Variants in USH1C observed in about 807,000 individuals in gnomAD.
USH1C encodes the protein harmonin.
Under a neutral mutation model 119.3 loss-of-function variants are expected in USH1C, and 90 were observed. That is an observed-to-expected ratio of 0.75 (90% confidence interval 0.64 to 0.90). The LOEUF is 0.90. Ranked by LOEUF, USH1C falls within the 40% of genes least tolerant of loss-of-function variation. The probability of loss-of-function intolerance (pLI) is 0.00; values close to 1 mark genes in which losing one functional copy is unlikely to be tolerated. For synonymous variants in USH1C, 465 were observed against 443.3 expected, an observed-to-expected ratio of 1.05 and a Z score of -0.62; for missense variants, 1,165 against 1,167.7, an observed-to-expected ratio of 1.00 and a Z score of 0.03.
intron 2 of USH1C, among the ~76,000 whole-genome samples, chr11:17,532,373 C>CT (rs1189627667): frequency 3.3e-5 from 5 of 152,190 alleles, no homozygotes; most frequent in African/African-American, 1.2e-4. Flanking sequence ...TCATGGCTCA[C>CT]TGCAGCCTTG....
chr11:17,509,305 T>C, intron 18 of USH1C, 51 bp downstream of exon 18: 2 of 1,518,716 alleles, frequency 1.3e-6, no homozygotes, highest in Non-Finnish European at 1.8e-6. Flanking sequence ...AAACAGCAGT[T>C]CTCCCCACTC....
In USH1C at chr11:17,524,546, T is replaced by C. The variant is rs1850572417; in HGVS notation, c.675-11A>G. The stretch of plus-strand genomic sequence containing the variant: ...GGGCCGCTGGAAATGCTGCGGGAGG[T>C]GGGAAATGTGTGCTCGGGATTCAGG... On this transcript the variant is annotated splice_polypyrimidine_tract_variant and intron_variant, in intron 8 of 26. Coordinates refer to ENST00000005226, the MANE Select transcript of USH1C (RefSeq NM_153676.4). 6.4e-7 allele frequency: 1 copy of C among 1,554,442 alleles called. No individual in the cohort carries two copies. The highest frequency in any genetic ancestry group is 8.7e-7 in the Non-Finnish European group (1 of 1,148,430).
At chr11:17,509,938 A>G (rs1470803968) in intron 17 of USH1C, 100 bp from the exon 18 acceptor site, 4 of 1,394,476 alleles carry the variant, frequency 2.9e-6, no homozygotes, top group African/African-American at 1.4e-5. Context: ...TTCTCTTGCT[A>G]CTGGAGACCC....
At chr11:17,543,673 G>T (rs530146434) in intron 1 of USH1C, among the ~76,000 whole-genome samples, 2 of 152,272 alleles carry the variant, frequency 1.3e-5, no homozygotes, top group African/African-American at 4.8e-5. Flanking sequence ...GATCTGGCCG[G>T]CCAGAGCCCA....
intron 18 of USH1C, among the ~76,000 whole-genome samples, chr11:17,506,908 T>C (rs1172128234): frequency 6.6e-6 from 1 of 152,214 alleles, no homozygotes; most frequent in African/African-American, 2.4e-5. Flanking sequence ...GGATTCCCAG[T>C]GCCCTGCATA....
intron 2 of USH1C, among the ~76,000 whole-genome samples, chr11:17,532,178 C>T (rs2133923550): frequency 6.6e-6 from 1 of 152,340 alleles, no homozygotes; most frequent in Middle Eastern, 3.4e-3. Flanking sequence ...CCAAGTCCTA[C>T]TCCCCCAGAT....
At chr11:17,533,621 T>C in intron 1 of USH1C, 2 of 545,944 alleles carry the variant, frequency 3.7e-6, no homozygotes, top group South Asian at 3.4e-5. Flanking sequence ...TAGGTACATA[T>C]GTGAATCCCC....
intron 20 of USH1C, 155 bp from the exon 21 acceptor site, chr11:17,502,135 C>T (rs1471507711): frequency 5.9e-6 from 4 of 674,956 alleles, no homozygotes; most frequent in Admixed American, 2.9e-5. Flanking sequence ...GACAGGAGGC[C>T]GGCAGCCCTA....
chr11:17,530,346 G>A (rs16934382), intron 4 of USH1C, among the ~76,000 whole-genome samples: 8,275 of 152,308 alleles, frequency 0.054, 240 homozygotes, highest in Middle Eastern at 0.16. Flanking sequence ...AGGCACCTGC[G>A]TTGCTGAAGA....
At chr11:17,500,909 A>C in intron 23 of USH1C, 142 bp downstream of exon 23, 2 of 733,670 alleles carry the variant, frequency 2.7e-6, no homozygotes, top group Non-Finnish European at 4.8e-6. Context: ...TTGGACAGGC[A>C]GTCGGATGGA....
intron 14 of USH1C, among the ~76,000 whole-genome samples, chr11:17,519,148 T>C (rs1850299692): frequency 6.6e-6 from 1 of 152,200 alleles, no homozygotes; most frequent in Non-Finnish European, 1.5e-5. Flanking sequence ...CCAGGCCTGC[T>C]GGACCAACTC....
At chr11:17,519,473 T>A (rs1850314629) in intron 14 of USH1C, among the ~76,000 whole-genome samples, 1 of 152,220 alleles carries the variant, frequency 6.6e-6, no homozygotes, top group South Asian at 2.1e-4. Context: ...TATTTTCTAT[T>A]GCTCCTGAGA....
At chr11:17,499,468 G>A (rs1849358865) in intron 23 of USH1C, among the ~76,000 whole-genome samples, 1 of 152,210 alleles carries the variant, frequency 6.6e-6, no homozygotes, top group Non-Finnish European at 1.5e-5. Flanking sequence ...AGTCTCAGGG[G>A]CAATAAGGCA....
In USH1C at chr11:17,526,368, C is replaced by G; in HGVS notation, c.653G>C (p.Gly218Ala). Residue 218 changes from glycine (G) to alanine (A), a missense_variant, in exon 8 of 27, where the codon GGC becomes GCC. Transcript: ENST00000005226. ...CCACCTGCAGCCAAGGCCTCGGGAG[C>G]CTACCAGGCTGATGAAGACCTTCTT... is the stretch of plus-strand genomic sequence containing the variant. ...KEKKVFISLV[G>A]SRGLGCSISS... 1 of 1,614,058 alleles carries G rather than the reference C, an allele frequency of 6.2e-7. No individual in the cohort carries two copies. Among genetic ancestry groups the G allele is most frequent in the Non-Finnish European group, 8.5e-7 (1 of 1,180,008 alleles).
intron 20 of USH1C, among the ~76,000 whole-genome samples, chr11:17,503,231 T>C (rs992464468): frequency 1.3e-4 from 20 of 152,234 alleles, no homozygotes; most frequent in African/African-American, 2.9e-4. Flanking sequence ...AGAAGGATCA[T>C]TGGGCAGGAT....
At chr11:17,525,954 G>A (rs959573161) in intron 8 of USH1C, among the ~76,000 whole-genome samples, 8 of 152,186 alleles carry the variant, frequency 5.3e-5, no homozygotes, top group Admixed American at 3.9e-4. Context: ...TAATCCCAGG[G>A]CTTTGGGAGG....
In USH1C at chr11:17,544,273, T is replaced by A; in HGVS notation, c.35A>T (p.Lys12Met). The A allele has an allele frequency of 1.2e-6, 2 of 1,614,000 alleles. No homozygotes were observed. The highest frequency in any genetic ancestry group is 1.7e-6 in the Non-Finnish European group (2 of 1,179,970). Reference sequence around the variant, plus strand: ...CCTGGGGCGCCCTGCAGCTCTGACCTTATGCCGGAATTCTCGGGCCACTTT... The same window carrying A: ...CCTGGGGCGCCCTGCAGCTCTGACCATATGCCGGAATTCTCGGGCCACTTT... ...DRKVAREFRHKVDFLIENDAE... is the reference protein window; with the variant it reads ...DRKVAREFRHMVDFLIENDAE... Residue 12 changes from lysine (K) to methionine (M), a missense_variant and splice_region_variant, in exon 1 of 27, where the codon AAG becomes ATG. Coordinates refer to ENST00000005226, the MANE Select transcript of USH1C (RefSeq NM_153676.4).
At chr11:17,527,864 A>T (rs1850781144) in intron 4 of USH1C, among the ~76,000 whole-genome samples, 1 of 151,236 alleles carries the variant, frequency 6.6e-6, no homozygotes, top group African/African-American at 2.4e-5. Context: ...CACACATATG[A>T]TTTTTTTTTC....
chr11:17,501,298 G>T, intron 22 of USH1C, 148 bp from the exon 23 acceptor site: 2 of 1,031,026 alleles, frequency 1.9e-6, no homozygotes, highest in Non-Finnish European at 3.0e-6. Context: ...ACGCAGCCTT[G>T]GTGCCAAGTG....
Sources: gnomAD v4.1 joint callset for allele counts (sites outside exome capture counted in the v4.1 genomes callset) on GRCh38, gnomAD v4.1.1 for gene constraint, MANE v1.5 for transcripts, NCBI Gene and HGNC (gene_info 2026-07-23, HGNC 2026-07-21) for gene names.